The following PLCG2 variants were observed in gnomAD, a reference collection of about 807,000 sequenced individuals.
PLCG2 encodes 1-phosphatidylinositol 4,5-bisphosphate phosphodiesterase gamma-2.
PLCG2 carries 69 observed loss-of-function variants against 175.6 expected under a neutral mutation model. The ratio of observed to expected loss-of-function variants is 0.39; its 90% confidence interval spans 0.32 to 0.48. The LOEUF is 0.48. PLCG2 is among the 20% of genes least tolerant of loss of function. PLCG2 has a pLI of 0.91. For synonymous variants in PLCG2, 827 were observed against 624.0 expected, an observed-to-expected ratio of 1.33 and a Z score of -4.85; for missense variants, 1,798 against 1,650.9, an observed-to-expected ratio of 1.09 and a Z score of -1.54.
At chr16:81,873,406 G>A (rs943032439) in intron 7 of PLCG2, among the ~76,000 whole-genome samples, 23 of 152,196 alleles carry the variant, frequency 1.5e-4, no homozygotes, top group Non-Finnish European at 2.5e-4. Flanking sequence ...TGAGAACAAT[G>A]ACGTGTGTCA....
chr16:81,885,871 C>G (rs1908335166), intron 9 of PLCG2, among the ~76,000 whole-genome samples: 1 of 152,118 alleles, frequency 6.6e-6, no homozygotes, highest in Non-Finnish European at 1.5e-5. Flanking sequence ...ATCATGCCTT[C>G]CTAGTGCCGG....
At chr16:81,955,482 C>T (rs1764218653) in intron 31 of PLCG2, among the ~76,000 whole-genome samples, 1 of 152,210 alleles carries the variant, frequency 6.6e-6, no homozygotes, top group African/African-American at 2.4e-5. Context: ...TGCATTGAAA[C>T]CCAAACTCCC....
At chr16:81,949,692 C>G (rs12928126) in intron 31 of PLCG2, among the ~76,000 whole-genome samples, 4,384 of 152,278 alleles carry the variant, frequency 0.029, 79 homozygotes, top group Non-Finnish European at 0.041. Context: ...AGTACAGTTA[C>G]ATCTTACAGG....
At chr16:81,876,199 A>G (rs535563729) in intron 7 of PLCG2, among the ~76,000 whole-genome samples, 3 of 151,052 alleles carry the variant, frequency 2.0e-5, no homozygotes, top group Admixed American at 6.6e-5. Context: ...TAATTTTTGT[A>G]TTTTTTGTAG....
chr16:81,944,602 C>T (rs924861437), intron 30 of PLCG2, among the ~76,000 whole-genome samples: 5 of 152,254 alleles, frequency 3.3e-5, no homozygotes, highest in African/African-American at 1.2e-4. Context: ...GTAGCTGGGA[C>T]TACAGGTGTG....
At chr16:81,863,980 G>A (rs1325165442) in intron 5 of PLCG2, among the ~76,000 whole-genome samples, 2 of 152,220 alleles carry the variant, frequency 1.3e-5, no homozygotes, top group Non-Finnish European at 2.9e-5. Context: ...CTTTGGCAGA[G>A]CCACGGCAGT....
At chr16:81,843,968 T>C (rs1223445118) in intron 2 of PLCG2, among the ~76,000 whole-genome samples, 1 of 151,924 alleles carries the variant, frequency 6.6e-6, no homozygotes, top group African/African-American at 2.4e-5. Context: ...TCTTTTGTTT[T>C]CTTTTTCTTT....
At chr16:81,946,406 C>A in intron 31 of PLCG2, 143 bp downstream of exon 31, 1 of 644,810 alleles carries the variant, frequency 1.6e-6, no homozygotes, top group East Asian at 2.7e-5. Context: ...ACAAGAATTC[C>A]TTTTTGCTAA....
At chr16:81,860,172 ATT>A (rs1555513300) in intron 5 of PLCG2, among the ~76,000 whole-genome samples, 3,563 of 120,532 alleles carry the variant, frequency 0.03, 101 homozygotes, top group African/African-American at 0.073. Context: ...TATTATTATT[ATT>A]TTTTTTTTTT....
intron 1 of PLCG2, among the ~76,000 whole-genome samples, chr16:81,742,007 A>G (rs1279753950): frequency 6.6e-6 from 1 of 152,142 alleles, no homozygotes; most frequent in African/African-American, 2.4e-5. Flanking sequence ...ATTTGTGTGC[A>G]TTCACCAACT....
Position 81,861,178 on chromosome 16 carries a change from GTAAAA to G in PLCG2, c.479+2018_479+2022del, listed in dbSNP as rs367737859. 4.2e-3 allele frequency among the ~76,000 whole-genome samples: 635 copies of G among 152,128 alleles called. 6 individuals are homozygous for G. Among genetic ancestry groups the G allele is most frequent in the African/African-American group, 0.015 (615 of 41,488 alleles). The stretch of plus-strand genomic sequence containing the variant: ...TCACGTGAGGCACCTTATTTTTTTG[GTAAAA>G]TATTCCTTTCATTCATTCTTGATTT... On this transcript the variant is annotated intron_variant, in intron 5 of 32. Coordinates refer to ENST00000564138, the MANE Select transcript of PLCG2 (RefSeq NM_002661.5).
intron 2 of PLCG2, among the ~76,000 whole-genome samples, chr16:81,787,486 C>T (rs1911028255): frequency 7.0e-6 from 1 of 143,334 alleles, no homozygotes; most frequent in Non-Finnish European, 1.5e-5. Context: ...CCTTGGCCTC[C>T]CAAAGCATTG....
chr16:81,901,918 C>A (rs542427127), intron 14 of PLCG2, among the ~76,000 whole-genome samples: 1 of 152,192 alleles, frequency 6.6e-6, no homozygotes, highest in Non-Finnish European at 1.5e-5. Context: ...CATTATTATT[C>A]TGAGAAAAGG....
intron 7 of PLCG2, among the ~76,000 whole-genome samples, chr16:81,876,016 C>CTT (rs547152035): frequency 0.13 from 14,601 of 113,586 alleles, 1,344 homozygotes; most frequent in Non-Finnish European, 0.18. Flanking sequence ...CTTTTTCTTT[C>CTT]TTTTTTTTTT....
chr16:81,960,939 C>A lies in PLCG2; in HGVS notation c.*2941C>A, dbSNP rs1471247980. On this transcript the variant is annotated 3_prime_UTR_variant, in exon 33 of 33. Coordinates refer to ENST00000564138, the MANE Select transcript of PLCG2 (RefSeq NM_002661.5). ...TGCCTGAGAAAATGCCCTTTTCTCA[C>A]CTTACAAAAGAAAATATGGCTGTCT... The A allele has an allele frequency of 4.4e-6, 1 of 228,964 alleles. No individual in the cohort carries two copies. Among genetic ancestry groups the A allele is most frequent in the Non-Finnish European group, 8.7e-6 (1 of 115,424 alleles). 14.2% of individuals were successfully genotyped at this position (228,964 alleles called of 1,614,324 possible). A position where few individuals can be genotyped will look rare whatever the true frequency, so the allele number is the denominator to read the frequency against.
At chr16:81,949,225 T>C (rs1217246692) in intron 31 of PLCG2, among the ~76,000 whole-genome samples, 1 of 152,194 alleles carries the variant, frequency 6.6e-6, no homozygotes, top group African/African-American at 2.4e-5. Flanking sequence ...GGAGAGCTAT[T>C]AATGAAATAG....
chr16:81,904,965 G>A (rs1567525642), intron 14 of PLCG2, among the ~76,000 whole-genome samples: 1 of 152,190 alleles, frequency 6.6e-6, no homozygotes, highest in Admixed American at 6.5e-5. Flanking sequence ...TCAGCTCACT[G>A]CAACCTCCAC....
chr16:81,866,215 T>G (rs1352758201), intron 5 of PLCG2, among the ~76,000 whole-genome samples: 1 of 115,084 alleles, frequency 8.7e-6, no homozygotes, highest in African/African-American at 3.6e-5. Flanking sequence ...GGCACCAGCA[T>G]GAGAGGACGC....
At position 81,940,079 on chromosome 16, in the gene PLCG2, A is replaced by C. The variant is rs1291157780; in HGVS notation, c.3481+20A>C. Reference sequence around the variant, plus strand: ...AATCAGGTAAGAGGCATTTTAATTAAGATGTTCGATTTGGGCTGGCGTTGT... The same window carrying C: ...AATCAGGTAAGAGGCATTTTAATTACGATGTTCGATTTGGGCTGGCGTTGT... On this transcript the variant is annotated intron_variant, in intron 30 of 32. Transcript: ENST00000564138. The C allele has an allele frequency of 1.3e-6, 2 of 1,591,110 alleles. No individual in the cohort carries two copies. Among genetic ancestry groups the C allele is most frequent in the African/African-American group, 1.3e-5 (1 of 74,406 alleles).
Sources: allele counts gnomAD v4.1 joint callset (sites outside exome capture counted in the v4.1 genomes callset), GRCh38; gene constraint gnomAD v4.1.1; transcripts MANE v1.5; gene names NCBI Gene and HGNC (gene_info 2026-07-23, HGNC 2026-07-21).